Variants in FANCA observed in about 807,000 individuals in gnomAD.
FANCA encodes the protein Fanconi anemia group A protein.
A neutral mutation model predicts 194.3 loss-of-function variants in FANCA; 236 were observed. The ratio of observed to expected loss-of-function variants is 1.21; its 90% CI spans 1.09 to 1.35. The LOEUF is 1.35. Ranked by LOEUF, FANCA falls within the 40% of genes most tolerant of loss-of-function variation. FANCA has a pLI of 0.00. For synonymous variants in FANCA, 1,014 were observed against 715.8 expected (o/e 1.42, Z -6.65); for missense variants, 2,628 against 1,813.9 (o/e 1.45, Z -8.15).
chr16:89,778,654 AAAAGT>A, intron 20 of FANCA, 142 bp downstream of exon 20: 2 of 681,752 alleles, frequency 2.9e-6, no homozygotes, highest in African/African-American at 1.8e-5. Flanking sequence ...AAAAAAAAAA[AAAAGT>A]AACCAACCAA....
intron 21 of FANCA, among the ~76,000 whole-genome samples, chr16:89,774,686 C>T (rs997857947): frequency 2.1e-5 from 3 of 142,632 alleles, no homozygotes; most frequent in South Asian, 2.3e-4. Flanking sequence ...GCTGAGATTG[C>T]GCCACTGCAC....
intron 27 of FANCA, among the ~76,000 whole-genome samples, chr16:89,765,745 G>A (rs2039105113): frequency 6.6e-6 from 1 of 152,252 alleles, no homozygotes; most frequent in South Asian, 2.1e-4. Context: ...AAGGACTGTC[G>A]TCCCTGCTCA....
chr16:89,804,177 T>A (rs190586632), intron 7 of FANCA, among the ~76,000 whole-genome samples: 2 of 152,190 alleles, frequency 1.3e-5, no homozygotes, highest in African/African-American at 4.8e-5. Context: ...AAGTCGCTCA[T>A]GCCACCAAAA....
At chr16:89,755,495 G>A (rs1257569409) in intron 30 of FANCA, among the ~76,000 whole-genome samples, 1 of 152,120 alleles carries the variant, frequency 6.6e-6, no homozygotes, top group African/African-American at 2.4e-5. Context: ...GTGAGCCACC[G>A]TGGCTGGCCC....
rs2039157615 is a variant in FANCA at position 89,767,164 on chromosome 16, A to G, written c.2578T>C (p.Leu860=). ...SQSRDTLCSC[L]SPGLIKKFQF... The stretch of plus-strand genomic sequence containing the variant: ...ACCTTTTTAATAAGGCCTGGAGATA[A>G]GCAGCTGCACAAAGTATCTCGTGAC... Residue 860 remains leucine (L), a synonymous_variant, in exon 27 of 43, where the codon TTA becomes CTA. Transcript: ENST00000389301. The G allele has an allele frequency of 6.2e-7, 1 of 1,613,056 alleles. No individual in the cohort carries two copies.
intron 3 of FANCA, among the ~76,000 whole-genome samples, chr16:89,812,654 A>AAAAAC (rs1555576872): frequency 6.7e-6 from 1 of 149,156 alleles, no homozygotes. Flanking sequence ...CTCAAAAAAA[A>AAAAAC]AAAAAAAAAA....
intron 31 of FANCA, among the ~76,000 whole-genome samples, chr16:89,750,437 C>G (rs1004494340): frequency 1.3e-5 from 2 of 149,732 alleles, no homozygotes; most frequent in Non-Finnish European, 3.0e-5. Flanking sequence ...GAGCCCAGAT[C>G]GCACCACTGC....
chr16:89,798,222 A>C, intron 10 of FANCA: 2 of 451,048 alleles, frequency 4.4e-6, no homozygotes, highest in Non-Finnish European at 6.0e-6. Context: ...GGTCCTCACC[A>C]GAACCCAACC....
At chr16:89,739,380 G>A (rs1189665706) in intron 40 of FANCA, 91 bp from the exon 41 acceptor site, 5 of 1,578,982 alleles carry the variant, frequency 3.2e-6, no homozygotes, top group Non-Finnish European at 4.3e-6. Flanking sequence ...TGGAGCAGAG[G>A]CACAGACAAC....
intron 10 of FANCA, chr16:89,798,428 G>A: frequency 9.2e-7 from 1 of 1,085,764 alleles, no homozygotes; most frequent in Non-Finnish European, 1.1e-6. Context: ...TAATTGAGCA[G>A]TTAAACAGTT....
chr16:89,757,658 T>A (rs890783177), intron 30 of FANCA, among the ~76,000 whole-genome samples: 2 of 152,188 alleles, frequency 1.3e-5, no homozygotes, highest in Non-Finnish European at 2.9e-5. Context: ...AGTGTGAAGC[T>A]GCAAACAAGA....
In FANCA at chr16:89,737,990, G is replaced by A; in HGVS notation, c.*611C>T. The A allele has an allele frequency of 6.2e-7, 1 of 1,614,172 alleles. No individual in the cohort carries two copies. The highest frequency in any genetic ancestry group is 8.5e-7 in the Non-Finnish European group (1 of 1,180,042). ...CTGTCCCCCAGGTGTGAGGTCTGTG[G>A]GTTCCAGTGCAGGCAGCGGGCATCC... is the stretch of plus-strand genomic sequence containing the variant. On this transcript the variant is annotated 3_prime_UTR_variant, in exon 43 of 43. Transcript: ENST00000389301.
chr16:89,749,460 C>G (rs1426086262), intron 32 of FANCA, among the ~76,000 whole-genome samples: 2 of 152,230 alleles, frequency 1.3e-5, no homozygotes, highest in African/African-American at 4.8e-5. Context: ...CTCCTGACCT[C>G]AGGTGATCCA....
chr16:89,808,829 C>CA (rs2040763770), intron 5 of FANCA, among the ~76,000 whole-genome samples: 1 of 152,172 alleles, frequency 6.6e-6, no homozygotes, highest in African/African-American at 2.4e-5. Flanking sequence ...CTGCTTTAGC[C>CA]ACTCACTGTG....
At chr16:89,801,830 G>C (rs1366813302) in intron 8 of FANCA, among the ~76,000 whole-genome samples, 2 of 151,984 alleles carry the variant, frequency 1.3e-5, no homozygotes, top group East Asian at 3.9e-4. Context: ...AGAGGTTGCA[G>C]TGAGCCGAAA....
At chr16:89,816,082 G>C in intron 1 of FANCA, 96 bp from the exon 2 acceptor site, 1 of 899,792 alleles carries the variant, frequency 1.1e-6, no homozygotes, top group Non-Finnish European at 1.8e-6. Flanking sequence ...AAACCCACCA[G>C]CGACACCCTC....
intron 26 of FANCA, among the ~76,000 whole-genome samples, chr16:89,768,523 G>C (rs139097260): frequency 6.6e-6 from 1 of 152,008 alleles, no homozygotes; most frequent in Non-Finnish European, 1.5e-5. Context: ...GGGCATGGTG[G>C]TGCACACCTG....
At chr16:89,789,443 T>C (rs1185766729) in intron 14 of FANCA, among the ~76,000 whole-genome samples, 1 of 147,334 alleles carries the variant, frequency 6.8e-6, no homozygotes, top group East Asian at 2.0e-4. Context: ...ATACTTTTTT[T>C]TTTTTTTTTT....
chr16:89,775,884 A>G (rs2039484067), intron 20 of FANCA, 69 bp from the exon 21 acceptor site: 2 of 939,986 alleles, frequency 2.1e-6, no homozygotes, highest in African/African-American at 3.3e-5. Flanking sequence ...ACAATCCCCA[A>G]ATCTATTATA....
Sources: gnomAD v4.1 joint callset for allele counts (sites outside exome capture counted in the v4.1 genomes callset) on GRCh38, gnomAD v4.1.1 for gene constraint, MANE v1.5 for transcripts, NCBI Gene and HGNC (gene_info 2026-07-23, HGNC 2026-07-21) for gene names.